BCL11B: variants seen among roughly 807,000 people sequenced by gnomAD.
BCL11B encodes the protein BCL11 transcription factor B.
In BCL11B, 8 loss-of-function variants were observed where a neutral mutation model predicts 49.9. That is an observed-to-expected ratio of 0.16 (90% CI 0.09 to 0.29). The LOEUF (loss-of-function observed/expected upper bound fraction) is 0.29. BCL11B is among the 10% of genes least tolerant of loss of function. BCL11B has a pLI of 1.00. For synonymous variants in BCL11B, 739 were observed against 637.4 expected, an observed-to-expected ratio of 1.16 and a Z score of -2.40; for missense variants, 1,006 against 1,351.0, an observed-to-expected ratio of 0.74 and a Z score of 4.00.
At chr14:99,217,128 G>GCA (rs1380932342) in intron 3 of BCL11B, among the ~76,000 whole-genome samples, 1 of 151,794 alleles carries the variant, frequency 6.6e-6, no homozygotes, top group Non-Finnish European at 1.5e-5. Flanking sequence ...ACACATATGT[G>GCA]CACACACAAA....
Position 99,175,532 on chromosome 14 carries a change from G to A in BCL11B, c.1304C>T (p.Thr435Ile), listed in dbSNP as rs780297453. Residue 435 changes from threonine (T) to isoleucine (I), a missense_variant, in exon 4 of 4, where the codon ACC becomes ATC. By Grantham distance (89) the Thr-to-Ile change is moderately conservative. Transcript: ENST00000357195. ...GATGAGATTGCTCTGGAACTTGAAG[G>A]TCTTGCCGCAGAACTCGCACGACTT... ...KSKSCEFCGK[T>I]FKFQSNLIVH... 1.2e-6 allele frequency: 2 copies of A among 1,606,586 alleles called. No homozygotes were observed. The highest frequency in any genetic ancestry group is 1.1e-5 in the South Asian group (1 of 90,740).
rs372186428 is a variant in BCL11B at position 99,235,044 on chromosome 14, C to T, written c.428-3487G>A. Among the ~76,000 whole-genome samples, 15 of 152,258 alleles carry T rather than the reference C, an allele frequency of 9.9e-5. No homozygotes were observed. The East Asian group carries it at 2.3e-3, about 24-fold the overall frequency. The stretch of plus-strand genomic sequence containing the variant: ...GCAGAGGCTCCTGCTCCGTTCCTCA[C>T]ACATGCGCACTCACCCAGCGAACAC... On this transcript the variant is annotated intron_variant, in intron 2 of 3. Transcript: ENST00000357195.
Position 99,174,541 on chromosome 14 carries a change from C to T in BCL11B, c.2295G>A (p.Ser765=), listed in dbSNP as rs1449712586. Residue 765 remains serine (S), a synonymous_variant, in exon 4 of 4, where the codon TCG becomes TCA. Coordinates refer to ENST00000357195, the MANE Select transcript of BCL11B (RefSeq NM_138576.4). ...CTCCGCTGGCCGTGCCGCTGCGGCC[C>T]GAGAGGCCGCCGTCCAGCAGGTCCC... The part of the protein sequence containing the change: ...PPGDLLDGGL[S]GRSGTASGGS... The T allele has an allele frequency of 4.0e-6, 6 of 1,511,258 alleles. No homozygotes were observed. The South Asian group carries it at 6.1e-5, about 15-fold the overall frequency. The allele number at this position is 1,511,258 out of a possible 1,614,324, so 93.6% of individuals were successfully genotyped here.
intron 3 of BCL11B, among the ~76,000 whole-genome samples, chr14:99,178,550 G>A (rs1886606381): frequency 6.6e-6 from 1 of 152,166 alleles, no homozygotes; most frequent in Non-Finnish European, 1.5e-5. Flanking sequence ...AGCTTCCCTG[G>A]TTCTGTCCTA....
At chr14:99,181,022 G>T (rs1300632090) in intron 3 of BCL11B, among the ~76,000 whole-genome samples, 1 of 152,102 alleles carries the variant, frequency 6.6e-6, no homozygotes, top group Non-Finnish European at 1.5e-5. Context: ...TACCAATAAA[G>T]GTATCAGAGA....
rs1888889220 is a variant in BCL11B, at chr14:99,247,743, G to C, written c.427+9728C>G. On this transcript the variant is annotated intron_variant, in intron 2 of 3. Transcript: ENST00000357195. The surrounding 1 kb of genome is among the most constrained non-coding windows in gnomAD (Gnocchi z 4.5). ...CACTAGAGGCACAGCCTAGGCACTG[G>C]GGCTACCAGCTCCTAGGGCTCTGTG... is the stretch of plus-strand genomic sequence containing the variant. Among the ~76,000 whole-genome samples the C allele has an allele frequency of 6.6e-6, 1 of 152,186 alleles. No individual in the cohort carries two copies. The highest frequency in any genetic ancestry group is 2.4e-5 in the African/African-American group (1 of 41,438).
At chr14:99,208,075 GAC>G (rs747810795) in intron 3 of BCL11B, among the ~76,000 whole-genome samples, 3 of 152,206 alleles carry the variant, frequency 2.0e-5, no homozygotes, top group Non-Finnish European at 4.4e-5. Context: ...GGTGGTAGCG[GAC>G]ACAGGGCAGC....
intron 3 of BCL11B, among the ~76,000 whole-genome samples, chr14:99,178,123 A>T (rs978923271): frequency 6.6e-6 from 1 of 152,090 alleles, no homozygotes; most frequent in African/African-American, 2.4e-5. Context: ...CCTCAGAACC[A>T]GTTGGCCCAG....
intron 3 of BCL11B, among the ~76,000 whole-genome samples, chr14:99,200,358 C>A (rs1429134022): frequency 1.3e-5 from 2 of 152,236 alleles, no homozygotes; most frequent in Non-Finnish European, 2.9e-5. Flanking sequence ...CTCACAAAGC[C>A]CAGGGCCGTG....
Position 99,194,314 on chromosome 14 carries a change from G to A in BCL11B, c.641-18119C>T, listed in dbSNP as rs560345734. Among the ~76,000 whole-genome samples the A allele has an allele frequency of 1.5e-3, 221 of 152,332 alleles. 1 individual carries two copies. In the Middle Eastern group the frequency reaches 0.017, roughly 12 times the overall value. ...GCCAAGGCCTTCCCCGGACTGCACT[G>A]GCTTACAGAACACACCCAGTTCTGG... On this transcript the variant is annotated intron_variant, in intron 3 of 3. Coordinates refer to ENST00000357195, the MANE Select transcript of BCL11B (RefSeq NM_138576.4). This position sits in a 1 kb window ranked among gnomAD's most constrained non-coding sequence, Gnocchi z 4.6.
intron 3 of BCL11B, among the ~76,000 whole-genome samples, chr14:99,185,446 GAA>G (rs11352447): frequency 0.025 from 3,501 of 138,574 alleles, 111 homozygotes; most frequent in African/African-American, 0.076. Flanking sequence ...TAAAAAAAAA[GAA>G]AAAAAAAAAA....
At chr14:99,222,954 T>C (rs1322236475) in intron 3 of BCL11B, among the ~76,000 whole-genome samples, 2 of 152,220 alleles carry the variant, frequency 1.3e-5, no homozygotes, top group African/African-American at 4.8e-5. Flanking sequence ...TAATACAACA[T>C]TTTCAAGTTT....
chr14:99,257,944 C>A lies in BCL11B; in HGVS notation c.59-105G>T, dbSNP rs1169451820. ...CACCCCTTCCCCGCCAAGAAGCAGCCCCCTCTGCTGCTGGCTGCCAGAGCT... is the reference window on the plus strand; with the variant it reads ...CACCCCTTCCCCGCCAAGAAGCAGCACCCTCTGCTGCTGGCTGCCAGAGCT... On this transcript the variant is annotated intron_variant, in intron 1 of 3. Transcript: ENST00000357195. This position sits in a 1 kb window ranked among gnomAD's most constrained non-coding sequence, Gnocchi z 6.2. The A allele has an allele frequency of 6.0e-6, 8 of 1,331,020 alleles. No individual in the cohort carries two copies. The highest frequency in any genetic ancestry group is 7.9e-6 in the Non-Finnish European group (8 of 1,014,964). 82.5% of individuals were successfully genotyped at this position (1,331,020 alleles called of 1,614,324 possible).
Position 99,232,681 on chromosome 14 carries a change from C to A in BCL11B, c.428-1124G>T, listed in dbSNP as rs1192086725. On this transcript the variant is annotated intron_variant, in intron 2 of 3. Transcript: ENST00000357195. The surrounding 1 kb of genome is among the most constrained non-coding windows in gnomAD (Gnocchi z 5.1). ...TGTCAGTCTTCATTGGACTGAACTT[C>A]CTAACACACTGACGGGAACTGGGGC... Among the ~76,000 whole-genome samples the A allele has an allele frequency of 6.6e-6, 1 of 152,198 alleles. No individual in the cohort carries two copies. The highest frequency in any genetic ancestry group is 1.5e-5 in the Non-Finnish European group (1 of 68,028).
intron 3 of BCL11B, among the ~76,000 whole-genome samples, chr14:99,179,401 G>C (rs189471847): frequency 2.0e-5 from 3 of 149,686 alleles, no homozygotes; most frequent in African/African-American, 7.4e-5. Context: ...TTGAACCCGG[G>C]AGACGGAAGT....
rs1888702791 is a variant in BCL11B, at chr14:99,242,559, G to A, written c.428-11002C>T. Reference sequence around the variant, plus strand: ...CCCCAGTGCCAGTGAACAGGGGCTGGGTCAAGGCCCCCATGGGGAAAGGAG... The same window carrying A: ...CCCCAGTGCCAGTGAACAGGGGCTGAGTCAAGGCCCCCATGGGGAAAGGAG... On this transcript the variant is annotated intron_variant, in intron 2 of 3. Transcript: ENST00000357195. This position sits in a 1 kb window ranked among gnomAD's most constrained non-coding sequence, Gnocchi z 4.4. Among the ~76,000 whole-genome samples the A allele has an allele frequency of 6.6e-6, 1 of 152,154 alleles. No individual in the cohort carries two copies. The highest frequency in any genetic ancestry group is 1.5e-5 in the Non-Finnish European group (1 of 68,024).
At chr14:99,224,757 T>C (rs1349574365) in intron 3 of BCL11B, among the ~76,000 whole-genome samples, 1 of 152,102 alleles carries the variant, frequency 6.6e-6, no homozygotes, top group African/African-American at 2.4e-5. Flanking sequence ...ACACTGAAGA[T>C]TGGAGAGAGG....
intron 3 of BCL11B, among the ~76,000 whole-genome samples, chr14:99,223,026 T>C (rs541752629): frequency 5.9e-5 from 9 of 152,206 alleles, no homozygotes; most frequent in Admixed American, 2.6e-4. Flanking sequence ...CACGGTCACT[T>C]GAGCAAATTT....
intron 2 of BCL11B, among the ~76,000 whole-genome samples, chr14:99,233,495 C>T (rs1888397681): frequency 6.6e-6 from 1 of 152,190 alleles, no homozygotes; most frequent in South Asian, 2.1e-4. Flanking sequence ...TTGGAAGCTG[C>T]AAAGGCCAAA....
Sources: gnomAD v4.1 joint callset for allele counts (sites outside exome capture counted in the v4.1 genomes callset) on GRCh38, gnomAD v4.1.1 for gene constraint, Gnocchi (gnomAD v3.1) non-coding constraint, MANE v1.5 for transcripts, NCBI Gene and HGNC (gene_info 2026-07-23, HGNC 2026-07-21) for gene names.